The following DIP2C variants were observed in gnomAD, a reference collection of about 807,000 sequenced individuals.
DIP2C encodes the protein DIP2 acetate--CoA ligase C (putative).
Under a neutral mutation model 192.4 loss-of-function variants are expected in DIP2C, and 33 were observed. The observed-to-expected ratio is 0.17, with a 90% CI of 0.13 to 0.23. The LOEUF (loss-of-function observed/expected upper bound fraction) is 0.23, where lower values mean the gene tolerates loss of function less well. Ranked by LOEUF, DIP2C falls within the 10% of genes least tolerant of loss-of-function variation. The pLI is 1.00. For synonymous variants in DIP2C, 979 were observed against 864.1 expected (o/e 1.13, Z -2.33); for missense variants, 1,537 against 2,110.1 (o/e 0.73, Z 5.32).
intron 1 of DIP2C, among the ~76,000 whole-genome samples, chr10:641,500 T>C (rs1855195309): frequency 2.0e-5 from 3 of 152,118 alleles, no homozygotes; most frequent in Admixed American, 6.5e-5. Flanking sequence ...AAGATGATAC[T>C]CACACAACGC....
intron 22 of DIP2C, among the ~76,000 whole-genome samples, chr10:359,990 A>ACTT (rs1439072976): frequency 5.3e-5 from 8 of 152,182 alleles, no homozygotes; most frequent in Non-Finnish European, 1.2e-4. Flanking sequence ...TAAGAAGTCA[A>ACTT]CTTGGAAACT....
At chr10:588,763 C>T (rs981957762) in intron 1 of DIP2C, among the ~76,000 whole-genome samples, 20 of 152,226 alleles carry the variant, frequency 1.3e-4, no homozygotes, top group Non-Finnish European at 2.5e-4. Flanking sequence ...CTACCCCAGC[C>T]TGCCAGGCTG....
intron 29 of DIP2C, chr10:340,950 T>G: frequency 1.7e-6 from 1 of 595,656 alleles, no homozygotes; most frequent in Admixed American, 2.2e-5. Flanking sequence ...TTGTCAGAAA[T>G]AAAGGTCCGC....
In DIP2C at chr10:352,456, C is replaced by T. The variant is rs553376008; in HGVS notation, c.2986-3002G>A. ...AGCTTCCAGGCACGCTCCACGAGGA[C>T]GGTGCCCTTCTCAGGTGTTAGGTCC... On this transcript the variant is annotated intron_variant, in intron 24 of 36. Transcript: ENST00000280886. Among the ~76,000 whole-genome samples the T allele has an allele frequency of 3.0e-4, 45 of 152,348 alleles. No individual in the cohort carries two copies. The South Asian group carries it at 8.3e-3, about 28-fold the overall frequency.
intron 24 of DIP2C, among the ~76,000 whole-genome samples, chr10:355,306 AGAG>A (rs933746042): frequency 2.0e-5 from 3 of 152,244 alleles, no homozygotes; most frequent in African/African-American, 7.2e-5. Context: ...CTTCTCTGGC[AGAG>A]GAGGAGGAGA....
chr10:631,935 T>G (rs1345018394), intron 1 of DIP2C, among the ~76,000 whole-genome samples: 1 of 152,258 alleles, frequency 6.6e-6, no homozygotes, highest in Non-Finnish European at 1.5e-5. Flanking sequence ...TAGTCAATGT[T>G]CTGTAACCCA....
chr10:551,632 C>T (rs1047704130), intron 1 of DIP2C, among the ~76,000 whole-genome samples: 1 of 152,210 alleles, frequency 6.6e-6, no homozygotes, highest in Non-Finnish European at 1.5e-5. Flanking sequence ...GGGACTCAGC[C>T]CCGAGTGTGA....
chr10:278,586 ACT>A (rs1328155374), intron 36 of DIP2C, among the ~76,000 whole-genome samples: 1 of 152,068 alleles, frequency 6.6e-6, no homozygotes, highest in Non-Finnish European at 1.5e-5. Flanking sequence ...CATTGTAACA[ACT>A]CTCTCTAAAG....
intron 1 of DIP2C, among the ~76,000 whole-genome samples, chr10:547,363 G>C (rs1209707333): frequency 6.6e-6 from 1 of 151,848 alleles, no homozygotes; most frequent in Non-Finnish European, 1.5e-5. Flanking sequence ...TGCCAGCCAA[G>C]TGTGTGTAAC....
At chr10:623,289 C>T (rs1853985631) in intron 1 of DIP2C, among the ~76,000 whole-genome samples, 2 of 149,568 alleles carry the variant, frequency 1.3e-5, no homozygotes, top group African/African-American at 5.0e-5. Flanking sequence ...CCGCACTTGA[C>T]AGGAGGGGGC....
Position 341,922 on chromosome 10 carries a change from C to T in DIP2C, c.3454-593G>A, listed in dbSNP as rs140450448. Among the ~76,000 whole-genome samples, 76 of 152,264 alleles carry T rather than the reference C, an allele frequency of 5.0e-4. 1 individual carries two copies. The East Asian group carries it at 0.014, about 28-fold the overall frequency. ...AAAACCCAAAAGAACAACAAATGCA[C>T]GATACCTGGCCCCAAAGGCCCAAAG... On this transcript the variant is annotated intron_variant, in intron 28 of 36. Coordinates refer to ENST00000280886, the MANE Select transcript of DIP2C (RefSeq NM_014974.3).
chr10:445,833 C>T (rs1210102906), intron 3 of DIP2C, among the ~76,000 whole-genome samples: 137 of 112,154 alleles, frequency 1.2e-3, no homozygotes, highest in Middle Eastern at 0.017. Flanking sequence ...TATACATCTG[C>T]TGTGAAGAGT....
intron 5 of DIP2C, among the ~76,000 whole-genome samples, chr10:420,999 AAGGTC>A (rs1177819078): frequency 2.0e-5 from 3 of 152,198 alleles, no homozygotes; most frequent in Non-Finnish European, 4.4e-5. Context: ...ATTATCTCAC[AAGGTC>A]AAGTGCAAAT....
intron 25 of DIP2C, 50 bp downstream of exon 25, chr10:349,281 C>T (rs371601527): frequency 9.2e-5 from 145 of 1,580,270 alleles, no homozygotes; most frequent in Non-Finnish European, 1.1e-4. Flanking sequence ...CCTCGCACCG[C>T]GGCTGACCGG....
intron 31 of DIP2C, among the ~76,000 whole-genome samples, chr10:326,728 G>A (rs1474199559): frequency 1.3e-5 from 2 of 152,174 alleles, no homozygotes; most frequent in African/African-American, 2.4e-5. Context: ...TTAAAAAGTC[G>A]AACAGCAGAG....
chr10:398,974 C>T (rs565185592), intron 10 of DIP2C, 135 bp downstream of exon 10: 13 of 699,644 alleles, frequency 1.9e-5, no homozygotes, highest in African/African-American at 1.2e-4. Flanking sequence ...CACTAGCGAC[C>T]GCATCCCTTA....
chr10:389,309 G>C (rs1159695626), intron 13 of DIP2C, among the ~76,000 whole-genome samples: 1 of 152,118 alleles, frequency 6.6e-6, no homozygotes, highest in African/African-American at 2.4e-5. Context: ...CCAATGGGGG[G>C]AGTCTCTGGG....
intron 4 of DIP2C, chr10:437,466 T>C: frequency 6.5e-6 from 1 of 152,746 alleles, no homozygotes; most frequent in Non-Finnish European, 1.5e-5. Flanking sequence ...GTGGCCATGC[T>C]CCACTCACAC....
chr10:448,649 GC>G (rs1968549945), intron 3 of DIP2C, among the ~76,000 whole-genome samples: 1 of 129,106 alleles, frequency 7.7e-6, no homozygotes. Context: ...ACACAGTGGG[GC>G]AAGCAGGACC....
Sources: allele counts gnomAD v4.1 joint callset (sites outside exome capture counted in the v4.1 genomes callset), GRCh38; gene constraint gnomAD v4.1.1; transcripts MANE v1.5; gene names NCBI Gene and HGNC (gene_info 2026-07-23, HGNC 2026-07-21).